SNTG1: variants seen among roughly 807,000 people sequenced by gnomAD.
SNTG1 encodes gamma-1-syntrophin.
SNTG1 carries 39 observed loss-of-function variants against 74.7 expected under a neutral mutation model. The ratio of observed to expected loss-of-function variants is 0.52; its 90% CI spans 0.40 to 0.68. SNTG1 has a LOEUF of 0.68. Ranked by LOEUF, SNTG1 falls within the 30% of genes least tolerant of loss-of-function variation. SNTG1 has a pLI of 0.00. For synonymous variants in SNTG1, 254 were observed against 217.1 expected (o/e 1.17, Z -1.49); for missense variants, 685 against 609.5 (o/e 1.12, Z -1.30).
chr8:49,925,909 G>A (rs1445360642), intron 1 of SNTG1, among the ~76,000 whole-genome samples: 1 of 152,150 alleles, frequency 6.6e-6, no homozygotes, highest in African/African-American at 2.4e-5. Flanking sequence ...ACAAGTAATT[G>A]TTATTCAGTA....
chr8:50,525,419 C>T (rs1009211043), intron 9 of SNTG1, among the ~76,000 whole-genome samples: 5 of 152,168 alleles, frequency 3.3e-5, no homozygotes, highest in Middle Eastern at 3.4e-3. Flanking sequence ...TCATTTTCTT[C>T]CCCAGATTTG....
chr8:50,589,946 ATTTTC>A (rs2094681160), intron 12 of SNTG1, among the ~76,000 whole-genome samples: 1 of 152,068 alleles, frequency 6.6e-6, no homozygotes, highest in Non-Finnish European at 1.5e-5. Flanking sequence ...ATGTTCTCAA[ATTTTC>A]TTTTCTTTTT....
At chr8:50,559,539 T>A (rs891868629) in intron 12 of SNTG1, among the ~76,000 whole-genome samples, 1 of 152,132 alleles carries the variant, frequency 6.6e-6, no homozygotes, top group Non-Finnish European at 1.5e-5. Context: ...TAAGATACAC[T>A]TTTTACAAGA....
chr8:50,187,952 A>G (rs2083442083), intron 2 of SNTG1, among the ~76,000 whole-genome samples: 2 of 152,160 alleles, frequency 1.3e-5, no homozygotes, highest in Admixed American at 6.6e-5. Context: ...GGTGAGTGGA[A>G]GACAGTGTTT....
At chr8:50,396,486 T>C (rs2092730329) in intron 3 of SNTG1, among the ~76,000 whole-genome samples, 1 of 152,136 alleles carries the variant, frequency 6.6e-6, no homozygotes, top group Non-Finnish European at 1.5e-5. Flanking sequence ...GGAACGTAAA[T>C]GATAAGATGC....
chr8:50,751,165 TAAGATA>T (rs2095566477), intron 17 of SNTG1, among the ~76,000 whole-genome samples: 1 of 152,070 alleles, frequency 6.6e-6, no homozygotes, highest in Non-Finnish European at 1.5e-5. Context: ...AAAGGTATGC[TAAGATA>T]AGGTAAAACA....
chr8:50,491,939 C>G (rs991539252), intron 8 of SNTG1, among the ~76,000 whole-genome samples: 1 of 147,100 alleles, frequency 6.8e-6, no homozygotes, highest in Non-Finnish European at 1.5e-5. Flanking sequence ...CCTATGTCCA[C>G]GTGTCCTCAC....
rs568685535 is a variant in SNTG1, at chr8:49,958,461, G to A, written c.-103+46230G>A. On this transcript the variant is annotated intron_variant, in intron 1 of 18. Coordinates refer to ENST00000642720, the MANE Select transcript of SNTG1 (RefSeq NM_018967.5). ...TTTTTGGAGACAGTCTCGCTCTGTA[G>A]CCCAGGCCGGAACCCAGTGGTGTGA... is the stretch of plus-strand genomic sequence containing the variant. Among the ~76,000 whole-genome samples the A allele has an allele frequency of 2.7e-3, 414 of 151,044 alleles. 1 individual carries two copies. The highest frequency in any genetic ancestry group is 9.6e-3 in the African/African-American group (394 of 41,156).
intron 4 of SNTG1, among the ~76,000 whole-genome samples, chr8:50,410,226 G>A: frequency 6.6e-6 from 1 of 152,158 alleles, no homozygotes; most frequent in South Asian, 2.1e-4. Flanking sequence ...ATTATGGATA[G>A]ATTCTTAATA....
intron 1 of SNTG1, among the ~76,000 whole-genome samples, chr8:49,937,304 T>C (rs1047997841): frequency 6.6e-6 from 1 of 152,142 alleles, no homozygotes; most frequent in Non-Finnish European, 1.5e-5. Context: ...AGGAGCTGCC[T>C]GGGACAGGAA....
intron 1 of SNTG1, among the ~76,000 whole-genome samples, chr8:50,134,318 A>G (rs2081404311): frequency 1.3e-5 from 2 of 152,232 alleles, no homozygotes; most frequent in African/African-American, 4.8e-5. Context: ...GTAAAGGAGA[A>G]TGAAAGCTGG....
intron 2 of SNTG1, among the ~76,000 whole-genome samples, chr8:50,215,817 ACT>A (rs2131947647): frequency 6.6e-6 from 1 of 152,220 alleles, no homozygotes; most frequent in South Asian, 2.1e-4. Context: ...ATCTCAGCTA[ACT>A]CTTCACATGG....
intron 1 of SNTG1, among the ~76,000 whole-genome samples, chr8:50,130,247 G>A (rs571683177): frequency 6.6e-6 from 1 of 152,188 alleles, no homozygotes; most frequent in East Asian, 1.9e-4. Flanking sequence ...TAAGTTAAGG[G>A]TCAAAGAAAG....
chr8:50,450,843 G>A, intron 8 of SNTG1, 114 bp downstream of exon 8: 1 of 1,049,402 alleles, frequency 9.5e-7, no homozygotes, highest in Non-Finnish European at 1.4e-6. Context: ...TATCCAGTTT[G>A]ATATCAAATT....
chr8:49,925,475 G>A (rs1036553720), intron 1 of SNTG1, among the ~76,000 whole-genome samples: 6 of 147,290 alleles, frequency 4.1e-5, no homozygotes, highest in East Asian at 3.9e-4. Flanking sequence ...TCTGTCTGTC[G>A]CTGTGTGTGT....
chr8:50,327,968 A>G (rs1245032904), intron 2 of SNTG1, among the ~76,000 whole-genome samples: 3 of 152,060 alleles, frequency 2.0e-5, no homozygotes, highest in African/African-American at 7.2e-5. Context: ...CCTCTATCTC[A>G]TTTCTTTTAT....
At chr8:50,513,541 C>G (rs900959410) in intron 9 of SNTG1, among the ~76,000 whole-genome samples, 1 of 152,248 alleles carries the variant, frequency 6.6e-6, no homozygotes, top group Non-Finnish European at 1.5e-5. Context: ...AGGCAGGCCT[C>G]TTTGAGCTGC....
chr8:50,460,776 T>A (rs999600255), intron 8 of SNTG1, among the ~76,000 whole-genome samples: 1 of 152,110 alleles, frequency 6.6e-6, no homozygotes, highest in Non-Finnish European at 1.5e-5. Context: ...GTCGACTTTG[T>A]CAAAGGTTAA....
chr8:50,435,642 T>C (rs1223645336), intron 4 of SNTG1, among the ~76,000 whole-genome samples: 1 of 152,164 alleles, frequency 6.6e-6, no homozygotes, highest in Non-Finnish European at 1.5e-5. Context: ...GCAATCTTGG[T>C]TTTAAAACAC....
Sources: gnomAD v4.1 joint callset for allele counts (sites outside exome capture counted in the v4.1 genomes callset) on GRCh38, gnomAD v4.1.1 for gene constraint, MANE v1.5 for transcripts, NCBI Gene and HGNC (gene_info 2026-07-23, HGNC 2026-07-21) for gene names.